Variants in MRPS6 observed in about 807,000 individuals in gnomAD.
MRPS6 encodes the protein mitochondrial ribosomal protein S6.
Under a neutral mutation model 13.1 loss-of-function variants are expected in MRPS6, and 6 were observed. The observed-to-expected ratio is 0.46, with a 90% CI of 0.25 to 0.91. MRPS6 has a LOEUF of 0.91. Among genes scored for constraint, MRPS6 ranks in the 40% least tolerant of loss-of-function variants. The pLI is 0.18. For synonymous variants in MRPS6, 61 were observed against 56.5 expected, an observed-to-expected ratio of 1.08 and a Z score of -0.36; for missense variants, 164 against 155.6, an observed-to-expected ratio of 1.05 and a Z score of -0.29.
At chr21:34,120,445 C>T (rs1183947628) in intron 1 of MRPS6, among the ~76,000 whole-genome samples, 1 of 152,148 alleles carries the variant, frequency 6.6e-6, no homozygotes, top group East Asian at 1.9e-4. Flanking sequence ...TCTTGGAATC[C>T]AATCAAAATA....
At chr21:34,090,035 C>G (rs1239342610) in intron 1 of MRPS6, among the ~76,000 whole-genome samples, 1 of 152,126 alleles carries the variant, frequency 6.6e-6, no homozygotes, top group African/African-American at 2.4e-5. Context: ...ACCCAAAATG[C>G]TCCAGTGAGC....
At chr21:34,139,134 A>G (rs1377349669) in intron 2 of MRPS6, among the ~76,000 whole-genome samples, 1 of 137,256 alleles carries the variant, frequency 7.3e-6, no homozygotes, top group African/African-American at 2.7e-5. Context: ...GGAATTGAAC[A>G]TTGAGAACAC....
chr21:34,102,917 C>A, intron 1 of MRPS6: 2 of 999,552 alleles, frequency 2.0e-6, no homozygotes, highest in South Asian at 4.7e-5. Context: ...CAGTAGGTAT[C>A]CCCAACCTAA....
At chr21:34,116,206 G>GTGTA (rs1979897061) in intron 1 of MRPS6, among the ~76,000 whole-genome samples, 1 of 150,864 alleles carries the variant, frequency 6.6e-6, no homozygotes, top group Admixed American at 6.6e-5. Context: ...GTGTGTGTGT[G>GTGTA]TGTGTGTGTG....
At chr21:34,121,362 C>CTG (rs983050393) in intron 1 of MRPS6, among the ~76,000 whole-genome samples, 36 of 152,256 alleles carry the variant, frequency 2.4e-4, no homozygotes, top group African/African-American at 8.4e-4. Flanking sequence ...GATGAGGAAA[C>CTG]TGAGGTACAA....
chr21:34,104,177 T>G, intron 1 of MRPS6: 1 of 1,000,146 alleles, frequency 1.0e-6, no homozygotes, highest in Non-Finnish European at 1.2e-6. Context: ...TAATTTGATC[T>G]GAGTGTTCTG....
chr21:34,077,582 T>C (rs181181143), intron 1 of MRPS6, among the ~76,000 whole-genome samples: 3 of 152,342 alleles, frequency 2.0e-5, no homozygotes, highest in Admixed American at 1.3e-4. Context: ...TATATATATA[T>C]ATCTTCATAT....
At chr21:34,107,555 C>T (rs1372475471) in intron 1 of MRPS6, among the ~76,000 whole-genome samples, 1 of 152,108 alleles carries the variant, frequency 6.6e-6, no homozygotes, top group Non-Finnish European at 1.5e-5. Context: ...AAACTTGAAC[C>T]CCTAGTTTTA....
At chr21:34,105,902 T>C (rs1979455028) in intron 1 of MRPS6, 4 of 985,118 alleles carry the variant, frequency 4.1e-6, no homozygotes, top group Non-Finnish European at 4.9e-6. Context: ...ATGACAATTC[T>C]AACTTGTCTA....
chr21:34,116,412 TTGG>T (rs1461937553), intron 1 of MRPS6, among the ~76,000 whole-genome samples: 2 of 151,858 alleles, frequency 1.3e-5, no homozygotes, highest in Non-Finnish European at 1.5e-5. Flanking sequence ...TTCTGAAATC[TTGG>T]TGGATTTTTA....
chr21:34,095,909 T>C lies in MRPS6; in HGVS notation c.45+22164T>C, dbSNP rs914905177. On this transcript the variant is annotated intron_variant, in intron 1 of 2. Coordinates refer to ENST00000399312, the MANE Select transcript of MRPS6 (RefSeq NM_032476.4). ...TGACATACAACCTTTCCAACACAAATTCTTGTAATGTCTCCCCTAAGAAAG... is the reference window on the plus strand; with the variant it reads ...TGACATACAACCTTTCCAACACAAACTCTTGTAATGTCTCCCCTAAGAAAG... The C allele has an allele frequency of 2.5e-6, 4 of 1,614,146 alleles. No homozygotes were observed. The Admixed American group carries it at 6.7e-5, about 27-fold the overall frequency.
chr21:34,088,738 T>C (rs1978526430), intron 1 of MRPS6, among the ~76,000 whole-genome samples: 1 of 152,216 alleles, frequency 6.6e-6, no homozygotes, highest in African/African-American at 2.4e-5. Flanking sequence ...TACTACCTCA[T>C]GGCTTCAGTT....
At chr21:34,082,021 A>C (rs994292635) in intron 1 of MRPS6, among the ~76,000 whole-genome samples, 1 of 148,828 alleles carries the variant, frequency 6.7e-6, no homozygotes, top group African/African-American at 2.5e-5. Context: ...TCTTCCTCCT[A>C]CCAGCCAGAA....
intron 1 of MRPS6, chr21:34,097,489 A>G: frequency 7.0e-7 from 1 of 1,434,774 alleles, no homozygotes; most frequent in Non-Finnish European, 9.1e-7. Flanking sequence ...GCAGAAAATC[A>G]TCTAATTACA....
intron 1 of MRPS6, among the ~76,000 whole-genome samples, chr21:34,090,219 CTT>C (rs766872225): frequency 1.3e-5 from 2 of 152,204 alleles, no homozygotes; most frequent in Non-Finnish European, 2.9e-5. Flanking sequence ...CTGTTTTGCT[CTT>C]TGTGTTACTG....
At chr21:34,106,932 T>C (rs1979503545) in intron 1 of MRPS6, among the ~76,000 whole-genome samples, 1 of 152,324 alleles carries the variant, frequency 6.6e-6, no homozygotes, top group Non-Finnish European at 1.5e-5. Context: ...ATTGACTTTT[T>C]TTTTTTGGCG....
intron 1 of MRPS6, among the ~76,000 whole-genome samples, chr21:34,094,489 C>T (rs975910660): frequency 3.9e-5 from 6 of 152,062 alleles, no homozygotes; most frequent in East Asian, 1.9e-4. Flanking sequence ...GCCCTTATTA[C>T]GAATATAATT....
rs1228711094 is a variant in MRPS6 at position 34,096,176 on chromosome 21, T to C, written c.45+22431T>C. ...TGATTTCCAGGATACTGTTTACTGA[T>C]GATATAGCTTGCATCAACCCAGAGC... On this transcript the variant is annotated intron_variant, in intron 1 of 2. Coordinates refer to ENST00000399312, the MANE Select transcript of MRPS6 (RefSeq NM_032476.4). The surrounding 1 kb of genome is among the most constrained non-coding windows in gnomAD (Gnocchi z 5.9). 4 of 1,614,056 alleles carry C rather than the reference T, an allele frequency of 2.5e-6. No individual in the cohort carries two copies. Among genetic ancestry groups the C allele is most frequent in the East Asian group, 2.2e-5 (1 of 44,898 alleles).
intron 2 of MRPS6, among the ~76,000 whole-genome samples, chr21:34,126,145 TC>T (rs1980296108): frequency 6.6e-6 from 1 of 152,034 alleles, no homozygotes; most frequent in Non-Finnish European, 1.5e-5. Flanking sequence ...GTAGGAAAAG[TC>T]CAAGAGTAGA....
Sources: allele counts gnomAD v4.1 joint callset (sites outside exome capture counted in the v4.1 genomes callset), GRCh38; gene constraint gnomAD v4.1.1; non-coding constraint Gnocchi (gnomAD v3.1); transcripts MANE v1.5; gene names NCBI Gene and HGNC (gene_info 2026-07-23, HGNC 2026-07-21).